GPCPD1: variants seen among roughly 807,000 people sequenced by gnomAD.
The protein encoded by GPCPD1 is glycerophosphocholine phosphodiesterase 1.
Under a neutral mutation model 89.2 loss-of-function variants are expected in GPCPD1, and 29 were observed. The ratio of observed to expected loss-of-function variants is 0.33; its 90% CI spans 0.24 to 0.44. The LOEUF (loss-of-function observed/expected upper bound fraction) is 0.44, where lower values mean the gene tolerates loss of function less well. GPCPD1 is among the 20% of genes least tolerant of loss of function. The pLI, the probability that GPCPD1 is intolerant of heterozygous loss-of-function variation, is 1.00. For missense variants in GPCPD1, 594 were observed against 808.9 expected, an observed-to-expected ratio of 0.73 and a Z score of 3.22; for synonymous variants, 258 against 266.3, an observed-to-expected ratio of 0.97 and a Z score of 0.30.
intron 1 of GPCPD1, among the ~76,000 whole-genome samples, chr20:5,607,041 C>T (rs1220984514): frequency 6.6e-6 from 1 of 152,162 alleles, no homozygotes; most frequent in East Asian, 1.9e-4. Context: ...AATCCCAGCA[C>T]TTTAGGAAGC....
chr20:5,547,794 C>T lies in GPCPD1; in HGVS notation c.1886G>A (p.Arg629His), dbSNP rs146963061. 200 of 1,610,094 alleles carry T rather than the reference C, an allele frequency of 1.2e-4. No homozygotes were observed. The highest frequency in any genetic ancestry group is 1.6e-4 in the Middle Eastern group (1 of 6,068). The part of the protein sequence containing the change: ...PNIFQVEQLE[R>H]LKQELPELKS... ...AAGCTCTGGCAATTCCTGCTTCAGG[C>T]GTTCCAATTGCTCCACTTGGAATAT... The change falls in exon 20 of 20, where the codon CGC becomes CAC. Residue 629 changes from arginine (R) to histidine (H), a missense_variant. Transcript: ENST00000379019.
chr20:5,572,005 G>A (rs1600741799), intron 11 of GPCPD1, among the ~76,000 whole-genome samples: 2 of 151,976 alleles, frequency 1.3e-5, no homozygotes, highest in South Asian at 4.1e-4. Flanking sequence ...GATCGCTTGA[G>A]CCCACAAGTT....
rs922604755 is a variant in GPCPD1 at position 5,554,118 on chromosome 20, G to A, written c.1829+3827C>T. 1.4e-4 allele frequency among the ~76,000 whole-genome samples: 19 copies of A among 134,968 alleles called. 4 individuals carry two copies. The highest frequency in any genetic ancestry group is 5.0e-4 in the African/African-American group (17 of 33,692). The allele number at this position is 134,968 out of a possible 152,430, so 88.5% of individuals were successfully genotyped here. A position where few individuals can be genotyped will look rare whatever the true frequency, so the allele number is the denominator to read the frequency against. On this transcript the variant is annotated intron_variant, in intron 19 of 19. Transcript: ENST00000379019. ...CGAGTAGCTGGGACTACAGGCGCCC[G>A]CCACCACGCCCGGCTAATTATTATT...
chr20:5,590,095 G>A (rs1027335558), intron 4 of GPCPD1, among the ~76,000 whole-genome samples: 4 of 151,952 alleles, frequency 2.6e-5, no homozygotes, highest in African/African-American at 7.3e-5. Flanking sequence ...TATCCAATAT[G>A]TAGATTGGAA....
rs1489621093 is a variant in GPCPD1, at chr20:5,544,611, T to C, written c.*3050A>G. On this transcript the variant is annotated 3_prime_UTR_variant, in exon 20 of 20. Coordinates refer to ENST00000379019, the MANE Select transcript of GPCPD1 (RefSeq NM_019593.5). ...AAGCATGAGCTAACAAATGCCAGAC[T>C]TCGGAAGGCAGCGTAGTTTGAGAAC... The C allele has an allele frequency of 6.6e-6, 1 of 152,222 alleles. No homozygotes were observed. Among genetic ancestry groups the C allele is most frequent in the Non-Finnish European group, 1.5e-5 (1 of 68,048 alleles). The allele number at this position is 152,222 out of a possible 1,614,324, so 9.4% of individuals were successfully genotyped here. A position where few individuals can be genotyped will look rare whatever the true frequency, so the allele number is the denominator to read the frequency against.
At chr20:5,549,224 G>T in intron 19 of GPCPD1, 1 of 729,352 alleles carries the variant, frequency 1.4e-6, no homozygotes, top group South Asian at 1.4e-5. Flanking sequence ...TTTGGCTAGA[G>T]ACTCTACTGT....
intron 6 of GPCPD1, among the ~76,000 whole-genome samples, chr20:5,582,763 C>T (rs143491940): frequency 6.6e-6 from 1 of 152,130 alleles, no homozygotes; most frequent in East Asian, 1.9e-4. Flanking sequence ...ATGACACTCA[C>T]CTATAGTCCC....
intron 19 of GPCPD1, among the ~76,000 whole-genome samples, chr20:5,550,409 T>C (rs1483842276): frequency 3.3e-5 from 5 of 150,268 alleles, no homozygotes; most frequent in Admixed American, 3.3e-4. Flanking sequence ...GGGTCAAAAA[T>C]CAAAAGAATT....
chr20:5,594,973 A>C (rs755255088), intron 3 of GPCPD1, among the ~76,000 whole-genome samples: 2 of 152,166 alleles, frequency 1.3e-5, no homozygotes, highest in Non-Finnish European at 2.9e-5. Context: ...CTACAGAAAA[A>C]TCTTTCATGA....
Position 5,555,708 on chromosome 20 carries a change from T to C in GPCPD1, c.1829+2237A>G, listed in dbSNP as rs562692483. Among the ~76,000 whole-genome samples, 382 of 151,680 alleles carry C rather than the reference T, an allele frequency of 2.5e-3. 2 individuals are homozygous for C. Among genetic ancestry groups the C allele is most frequent in the Non-Finnish European group, 2.3e-3 (156 of 67,962 alleles). The stretch of plus-strand genomic sequence containing the variant: ...TCTTCTCTAGTAAAAATACAAAAAT[T>C]AGCCAGGCATGGTGGCAGGCGTGCG... On this transcript the variant is annotated intron_variant, in intron 19 of 19. Coordinates refer to ENST00000379019, the MANE Select transcript of GPCPD1 (RefSeq NM_019593.5).
intron 5 of GPCPD1, 114 bp downstream of exon 5, chr20:5,586,080 C>G: frequency 2.0e-6 from 1 of 511,726 alleles, no homozygotes; most frequent in Non-Finnish European, 3.6e-6. Flanking sequence ...GTAGCACTGA[C>G]AATGCATTGA....
rs532670748 is a variant in GPCPD1 at position 5,546,748 on chromosome 20, G to A, written c.*913C>T. Reference sequence around the variant, plus strand: ...CAACAGTGTGTAATAGGTAGTGAGAGACACACAAAATAAGCATATTTAAAA... The same window carrying A: ...CAACAGTGTGTAATAGGTAGTGAGAAACACACAAAATAAGCATATTTAAAA... On this transcript the variant is annotated 3_prime_UTR_variant, in exon 20 of 20. Transcript: ENST00000379019. 9.3e-4 allele frequency: 141 copies of A among 152,408 alleles called. 1 individual carries two copies. Among genetic ancestry groups the A allele is most frequent in the South Asian group, 2.3e-3 (11 of 4,826 alleles). The allele number at this position is 152,408 out of a possible 1,614,324, so 9.4% of individuals were successfully genotyped here.
chr20:5,548,804 AG>A (rs1985190176), intron 19 of GPCPD1: 2 of 447,924 alleles, frequency 4.5e-6, no homozygotes, highest in Non-Finnish European at 7.3e-6. Flanking sequence ...ACAAGAGCAG[AG>A]TTAAAAGCAG....
chr20:5,562,224 G>T (rs1986126622), intron 15 of GPCPD1, among the ~76,000 whole-genome samples: 1 of 152,142 alleles, frequency 6.6e-6, no homozygotes, highest in Non-Finnish European at 1.5e-5. Flanking sequence ...AAACAAACAT[G>T]AAGCCCAGAC....
Position 5,598,747 on chromosome 20 carries a change from G to C in GPCPD1, c.124C>G (p.Pro42Ala). Residue 42 changes from proline (P) to alanine (A), a missense_variant, in exon 3 of 20, where the codon CCA becomes GCA. Pro to Ala is a conservative substitution (Grantham distance 27). Coordinates refer to ENST00000379019, the MANE Select transcript of GPCPD1 (RefSeq NM_019593.5). ...WNPQNAVALL[P>A]ENDTGESMLW... is the part of the protein sequence containing the mutation. ...CACCTTTCACCTGTGTCATTCTCTG[G>C]AAGAAGAGCCACAGCATTTTGAGGA... is the stretch of plus-strand genomic sequence containing the variant. 1 of 1,609,530 alleles carries C rather than the reference G, an allele frequency of 6.2e-7. No homozygotes were observed. The highest frequency in any genetic ancestry group is 8.5e-7 in the Non-Finnish European group (1 of 1,175,834).
At chr20:5,599,500 G>A (rs1600801101) in intron 2 of GPCPD1, among the ~76,000 whole-genome samples, 1 of 152,136 alleles carries the variant, frequency 6.6e-6, no homozygotes, top group East Asian at 1.9e-4. Flanking sequence ...CAATGAGAGA[G>A]CAGAAATGTA....
At chr20:5,561,673 T>C (rs1310470489) in intron 15 of GPCPD1, 143 bp from the exon 16 acceptor site, 1 of 542,212 alleles carries the variant, frequency 1.8e-6, no homozygotes, top group Non-Finnish European at 3.3e-6. Flanking sequence ...TGCACAAACA[T>C]ATTTTGTCAT....
At chr20:5,568,344 G>T (rs1246547957) in intron 12 of GPCPD1, among the ~76,000 whole-genome samples, 1 of 150,320 alleles carries the variant, frequency 6.7e-6, no homozygotes, top group Non-Finnish European at 1.5e-5. Flanking sequence ...GAATACACAA[G>T]AAACTATTAA....
intron 11 of GPCPD1, among the ~76,000 whole-genome samples, chr20:5,571,449 C>T (rs1303816717): frequency 1.3e-5 from 2 of 151,958 alleles, no homozygotes; most frequent in East Asian, 3.9e-4. Context: ...AAGTAATAAG[C>T]CAATAACAGA....
Sources: allele counts gnomAD v4.1 joint callset (sites outside exome capture counted in the v4.1 genomes callset), GRCh38; gene constraint gnomAD v4.1.1; transcripts MANE v1.5; gene names NCBI Gene and HGNC (gene_info 2026-07-23, HGNC 2026-07-21).